Variants in FRAS1 observed in about 807,000 individuals in gnomAD.
FRAS1 encodes Fraser extracellular matrix complex subunit 1.
In FRAS1, 290 loss-of-function variants were observed where a neutral mutation model predicts 435.2. The observed-to-expected ratio is 0.67, with a 90% CI of 0.61 to 0.73. The LOEUF is 0.73. Ranked by LOEUF, FRAS1 falls within the 30% of genes least tolerant of loss-of-function variation. FRAS1 has a pLI of 0.00. For synonymous variants in FRAS1, 1,800 were observed against 1,851.0 expected (o/e 0.97, Z 0.71); for missense variants, 4,860 against 5,001.5 (o/e 0.97, Z 0.85).
intron 2 of FRAS1, among the ~76,000 whole-genome samples, chr4:78,195,313 A>G (rs1197368052): frequency 6.6e-6 from 1 of 152,224 alleles, no homozygotes; most frequent in African/African-American, 2.4e-5. Flanking sequence ...AGCCAGGGAC[A>G]TTTAAGTCTG....
chr4:78,426,696 G>A (rs1734009921), intron 35 of FRAS1, among the ~76,000 whole-genome samples: 1 of 152,218 alleles, frequency 6.6e-6, no homozygotes, highest in Admixed American at 6.5e-5. Context: ...CTTAAGGCAA[G>A]TGGTGCTCAC....
intron 46 of FRAS1, 105 bp from the exon 47 acceptor site, chr4:78,452,070 C>T: frequency 7.6e-7 from 1 of 1,319,090 alleles, no homozygotes; most frequent in East Asian, 2.3e-5. Flanking sequence ...CTCTAACACA[C>T]AGGCCTAGAG....
chr4:78,361,858 C>T (rs779625116), intron 20 of FRAS1, among the ~76,000 whole-genome samples: 23 of 152,110 alleles, frequency 1.5e-4, no homozygotes, highest in Non-Finnish European at 2.6e-4. Context: ...AGAACTCTTT[C>T]TTTTCTCTTT....
intron 15 of FRAS1, among the ~76,000 whole-genome samples, chr4:78,315,083 C>A (rs1729184121): frequency 6.6e-6 from 1 of 152,112 alleles, no homozygotes; most frequent in South Asian, 2.1e-4. Flanking sequence ...TGAATGAGAT[C>A]CTGAAAGACT....
Position 78,413,039 on chromosome 4 carries a change from C to T in FRAS1, c.4379C>T (p.Thr1460Ile), listed in dbSNP as rs1336583388. 7 of 1,611,510 alleles carry T rather than the reference C, an allele frequency of 4.3e-6. No individual in the cohort carries two copies. Among genetic ancestry groups the T allele is most frequent in the South Asian group, 1.1e-5 (1 of 90,418 alleles). The change falls in exon 32 of 74, where the codon ACA becomes ATA. Residue 1460 changes from threonine (T) to isoleucine (I), a missense_variant. Coordinates refer to ENST00000512123, the MANE Select transcript of FRAS1 (RefSeq NM_025074.7). ...HMFNIAILPQTPEAPKVSLEA... is the reference protein window; with the variant it reads ...HMFNIAILPQIPEAPKVSLEA... ...TTCAACATCGCGATCTTACCACAGA[C>T]ACCTGAAGCACCTAAAGTGTCTCTG...
chr4:78,407,529 C>A, intron 30 of FRAS1, 134 bp from the exon 31 acceptor site: 1 of 658,738 alleles, frequency 1.5e-6, no homozygotes, highest in Non-Finnish European at 2.5e-6. Flanking sequence ...AACATCCTCT[C>A]CTTCACCTTA....
intron 62 of FRAS1, among the ~76,000 whole-genome samples, chr4:78,508,296 A>G (rs1332725703): frequency 1.3e-5 from 2 of 152,222 alleles, no homozygotes; most frequent in Non-Finnish European, 2.9e-5. Flanking sequence ...TGATTATTTC[A>G]AAATGTGTCT....
At chr4:78,198,717 AGGCCAACCCCT>A (rs986156805) in intron 2 of FRAS1, among the ~76,000 whole-genome samples, 5 of 152,160 alleles carry the variant, frequency 3.3e-5, no homozygotes, top group Non-Finnish European at 7.3e-5. Context: ...TGAGACAACA[AGGCCAACCCCT>A]CCTCTTCCTT....
At chr4:78,339,523 G>C (rs1730317290) in intron 20 of FRAS1, among the ~76,000 whole-genome samples, 1 of 152,216 alleles carries the variant, frequency 6.6e-6, no homozygotes, top group South Asian at 2.1e-4. Flanking sequence ...GCATTATGCG[G>C]GGGGGTGGAA....
In FRAS1 at chr4:78,333,329, G is replaced by A. The variant is rs1273460412; in HGVS notation, c.2195G>A (p.Cys732Tyr). 1.9e-6 allele frequency: 3 copies of A among 1,612,536 alleles called. No homozygotes were observed. Among genetic ancestry groups the A allele is most frequent in the Admixed American group, 1.7e-5 (1 of 59,894 alleles). Residue 732 changes from cysteine to tyrosine, a missense_variant, in exon 19 of 74, where the codon TGT (cysteine) becomes TAT (tyrosine). Coordinates refer to ENST00000512123, the MANE Select transcript of FRAS1 (RefSeq NM_025074.7). Reference sequence around the variant, plus strand: ...AAAAGCCCACATAACTGCACAGACTGTGGGCCTTCCCATGTGCTGTTGGAT... The same window carrying A: ...AAAAGCCCACATAACTGCACAGACTATGGGCCTTCCCATGTGCTGTTGGAT... ...AGKSPHNCTD[C>Y]GPSHVLLDGQ...
At chr4:78,114,085 A>T (rs2109945203) in intron 2 of FRAS1, among the ~76,000 whole-genome samples, 1 of 152,288 alleles carries the variant, frequency 6.6e-6, no homozygotes, top group East Asian at 1.9e-4. Flanking sequence ...TTAAATAGGG[A>T]ATTCTTTCCC....
intron 14 of FRAS1, among the ~76,000 whole-genome samples, chr4:78,296,375 A>G (rs1043512569): frequency 6.6e-6 from 1 of 152,084 alleles, no homozygotes; most frequent in African/African-American, 2.4e-5. Flanking sequence ...TAGCAGGCAG[A>G]GGCCCAGTCT....
chr4:78,463,327 G>C (rs1384912147), intron 47 of FRAS1, among the ~76,000 whole-genome samples: 1 of 151,954 alleles, frequency 6.6e-6, no homozygotes, highest in East Asian at 1.9e-4. Flanking sequence ...AATTAATAGA[G>C]AAAAAATGAT....
intron 6 of FRAS1, among the ~76,000 whole-genome samples, chr4:78,255,710 G>A (rs557215696): frequency 1.3e-5 from 2 of 152,256 alleles, no homozygotes; most frequent in East Asian, 1.9e-4. Flanking sequence ...ATTTGTTATT[G>A]TTTTTCATTG....
intron 43 of FRAS1, 58 bp downstream of exon 43, chr4:78,446,938 A>T: frequency 6.9e-7 from 1 of 1,440,024 alleles, no homozygotes. Flanking sequence ...GGGCTGTTAG[A>T]ATAAACACAA....
At chr4:78,264,031 C>A (rs1726236856) in intron 6 of FRAS1, among the ~76,000 whole-genome samples, 1 of 152,148 alleles carries the variant, frequency 6.6e-6, no homozygotes, top group Admixed American at 6.5e-5. Flanking sequence ...GTTTTCTACT[C>A]CTCATAAGAG....
chr4:78,249,051 A>ATATATATATATGCATATG, intron 4 of FRAS1, among the ~76,000 whole-genome samples: 1 of 93,204 alleles, frequency 1.1e-5, no homozygotes, highest in African/African-American at 4.5e-5. Context: ...AACTACTGAT[A>ATATATATATATGCATATG]TATATATATA....
At chr4:78,181,191 G>T (rs1005625295) in intron 2 of FRAS1, 2 of 1,607,020 alleles carry the variant, frequency 1.2e-6, no homozygotes, top group East Asian at 2.2e-5. Flanking sequence ...ACTTTTGCCC[G>T]GTCCTTATTT....
At position 78,509,101 on chromosome 4, in the gene FRAS1, C is replaced by T. The variant is rs1260267815; in HGVS notation, c.9780+95C>T. On this transcript the variant is annotated intron_variant, in intron 63 of 73. Coordinates refer to ENST00000512123, the MANE Select transcript of FRAS1 (RefSeq NM_025074.7). ...ATAATCAAATTCCTTATGGTCCATG[C>T]ATGGCATTTGGAATAAAACAAATAA... 8.1e-6 allele frequency: 11 copies of T among 1,353,718 alleles called. No homozygotes were observed. In the East Asian group the frequency reaches 2.5e-4, roughly 31 times the overall value. 83.9% of individuals were successfully genotyped at this position (1,353,718 alleles called of 1,614,324 possible). A position where few individuals can be genotyped will look rare whatever the true frequency, so the allele number is the denominator to read the frequency against.
Sources: gnomAD v4.1 joint callset for allele counts (sites outside exome capture counted in the v4.1 genomes callset) on GRCh38, gnomAD v4.1.1 for gene constraint, MANE v1.5 for transcripts, NCBI Gene and HGNC (gene_info 2026-07-23, HGNC 2026-07-21) for gene names.